Variants in RHCE observed in about 807,000 individuals in gnomAD.
RHCE encodes the protein blood group Rh(CE) polypeptide.
In RHCE, 22 loss-of-function variants were observed where a neutral mutation model predicts 43.8. The observed-to-expected ratio is 0.50, with a 90% CI of 0.36 to 0.72. The LOEUF (loss-of-function observed/expected upper bound fraction) is 0.72, where lower values mean the gene tolerates loss of function less well. RHCE is among the 30% of genes least tolerant of loss of function. The pLI, the probability that RHCE is intolerant of heterozygous loss-of-function variation, is 0.00. For missense variants in RHCE, 385 were observed against 525.4 expected (o/e 0.73, Z 2.61); for synonymous variants, 156 against 210.7 (o/e 0.74, Z 2.25).
chr1:25,406,250 CGTGTGTGTGT>C (rs35366666), intron 2 of RHCE, among the ~76,000 whole-genome samples: 5,577 of 117,074 alleles, frequency 0.048, 903 homozygotes, highest in African/African-American at 0.14. Flanking sequence ...TGCGTGCGTG[CGTGTGTGTGT>C]GTGTGTGTGT....
At chr1:25,368,064 G>A (rs1275101022) in intron 9 of RHCE, among the ~76,000 whole-genome samples, 1 of 151,126 alleles carries the variant, frequency 6.6e-6, no homozygotes, top group Non-Finnish European at 1.5e-5. Flanking sequence ...TAGGAAGGGA[G>A]GAATTTCAAA....
chr1:25,379,017 A>G (rs1043537987), intron 7 of RHCE, among the ~76,000 whole-genome samples: 1 of 152,198 alleles, frequency 6.6e-6, no homozygotes, highest in Non-Finnish European at 1.5e-5. Flanking sequence ...GATTCCATGT[A>G]TATTATCTCA....
intron 7 of RHCE, among the ~76,000 whole-genome samples, chr1:25,376,331 T>A (rs1222015774): frequency 6.6e-6 from 1 of 152,238 alleles, no homozygotes; most frequent in Non-Finnish European, 1.5e-5. Context: ...ACCTGGGCAC[T>A]GCCAGCCCGT....
chr1:25,394,540 T>C (rs1018497360), intron 3 of RHCE, among the ~76,000 whole-genome samples: 6 of 152,216 alleles, frequency 3.9e-5, no homozygotes, highest in Non-Finnish European at 5.9e-5. Context: ...TTTTTCTCTG[T>C]GGTACTTACC....
At chr1:25,385,909 C>A (rs1179444194) in intron 6 of RHCE, 65 bp from the exon 7 acceptor site, 21 of 1,612,626 alleles carry the variant, frequency 1.3e-5, no homozygotes, top group Non-Finnish European at 1.7e-5. Context: ...CCACCCCTTT[C>A]ACACACCCTT....
At chr1:25,426,659 C>T (rs913647317) in intron 2 of RHCE, among the ~76,000 whole-genome samples, 13 of 152,216 alleles carry the variant, frequency 8.5e-5, no homozygotes, top group African/African-American at 2.7e-4. Context: ...TATAATCATC[C>T]TCCATGCCAC....
At position 25,406,242 on chromosome 1, in the gene RHCE, C is replaced by CGTGT. The variant is rs1363980385; in HGVS notation, c.335+2440_335+2441insACAC. On this transcript the variant is annotated intron_variant, in intron 2 of 9. Coordinates refer to ENST00000294413, the MANE Select transcript of RHCE (RefSeq NM_020485.8). ...CAGTGTGTGTATGCGGGCGTGCGTGCGTGCGTGCGTGTGTGTGTGTGTGTG... is the reference window on the plus strand; with the variant it reads ...CAGTGTGTGTATGCGGGCGTGCGTGCGTGTGTGCGTGCGTGTGTGTGTGTGTGTG... Among the ~76,000 whole-genome samples, 154 of 87,146 alleles carry CGTGT rather than the reference C, an allele frequency of 1.8e-3. 22 individuals carry two copies. Among genetic ancestry groups the CGTGT allele is most frequent in the Middle Eastern group, 5.2e-3 (1 of 192 alleles). The allele number at this position is 87,146 out of a possible 152,430, so 57.2% of individuals were successfully genotyped here. A position where few individuals can be genotyped will look rare whatever the true frequency, so the allele number is the denominator to read the frequency against.
chr1:25,402,175 CCTGT>C (rs74426100), intron 3 of RHCE, among the ~76,000 whole-genome samples: 15,113 of 144,714 alleles, frequency 0.1, 929 homozygotes, highest in African/African-American at 0.16. Flanking sequence ...CTGTACCCAG[CCTGT>C]CTGTCTGTCT....
At chr1:25,430,033 C>T (rs1199145957) in exon 1 of RHCE, 1 of 151,962 alleles carries the variant, frequency 6.6e-6, no homozygotes. Context: ...AGCCCGGACC[C>T]GCCGAGCAGG....
intron 1 of RHCE, among the ~76,000 whole-genome samples, chr1:25,415,058 A>G (rs1192602037): frequency 1.3e-5 from 2 of 151,824 alleles, no homozygotes; most frequent in East Asian, 3.9e-4. Flanking sequence ...CATCCTCACA[A>G]CCTGTCCCTC....
intron 7 of RHCE, among the ~76,000 whole-genome samples, chr1:25,380,949 T>C (rs1645977507): frequency 6.7e-6 from 1 of 149,018 alleles, no homozygotes; most frequent in South Asian, 2.1e-4. Flanking sequence ...TCGCCCAGGC[T>C]GGAGTGCAGT....
In RHCE at chr1:25,407,679, T is replaced by A. The variant is rs546402652; in HGVS notation, c.335+1004A>T. Among the ~76,000 whole-genome samples, 12 of 123,282 alleles carry A rather than the reference T, an allele frequency of 9.7e-5. 1 individual carries two copies. The highest frequency in any genetic ancestry group is 2.8e-4 in the African/African-American group (11 of 39,918). 80.9% of individuals were successfully genotyped at this position (123,282 alleles called of 152,430 possible). ...AACAAAACAATGTTTCAGGAAAAAA[T>A]TTAGCCTAGTTCCTTCTATTAAGTG... On this transcript the variant is annotated intron_variant, in intron 2 of 9. Transcript: ENST00000294413.
intron 4 of RHCE, among the ~76,000 whole-genome samples, chr1:25,391,506 T>TA (rs1445425796): frequency 6.6e-6 from 1 of 152,038 alleles, no homozygotes; most frequent in African/African-American, 2.4e-5. Flanking sequence ...ATTTTTTTTT[T>TA]TTTAATGAAT....
rs952852010 is a variant in RHCE, at chr1:25,400,742, C to T, written c.486+1854G>A. On this transcript the variant is annotated intron_variant, in intron 3 of 9. Transcript: ENST00000294413. ...ACCTTAACCCTAACGCTACCACATT[C>T]GACACTGAACTCTGGGTTTTCCCTC... is the stretch of plus-strand genomic sequence containing the variant. Among the ~76,000 whole-genome samples the T allele has an allele frequency of 2.1e-4, 32 of 151,784 alleles. 1 individual carries two copies. The highest frequency in any genetic ancestry group is 7.3e-4 in the African/African-American group (30 of 41,088).
intron 3 of RHCE, among the ~76,000 whole-genome samples, chr1:25,399,755 A>G (rs1646673579): frequency 6.6e-6 from 1 of 152,180 alleles, no homozygotes; most frequent in African/African-American, 2.4e-5. Context: ...AATCCTAGGA[A>G]GAAACGCTTG....
intron 3 of RHCE, among the ~76,000 whole-genome samples, chr1:25,393,829 A>T (rs1438971713): frequency 6.6e-6 from 1 of 151,736 alleles, no homozygotes; most frequent in Non-Finnish European, 1.5e-5. Context: ...ACTTTGGGTC[A>T]TTCAGCTGCC....
intron 8 of RHCE, among the ~76,000 whole-genome samples, chr1:25,373,431 C>A (rs142003047): frequency 6.6e-6 from 1 of 151,712 alleles, no homozygotes; most frequent in Non-Finnish European, 1.5e-5. Context: ...CCAGCTGCCA[C>A]GAACTGAACG....
chr1:25,404,894 A>G (rs1204937552), intron 2 of RHCE, among the ~76,000 whole-genome samples: 1 of 151,934 alleles, frequency 6.6e-6, no homozygotes, highest in East Asian at 1.9e-4. Context: ...TACATTAAAA[A>G]TATCACACTT....
intron 2 of RHCE, among the ~76,000 whole-genome samples, chr1:25,426,100 T>C (rs2042803449): frequency 6.6e-6 from 1 of 152,228 alleles, no homozygotes; most frequent in South Asian, 2.1e-4. Flanking sequence ...AACGAGGCAG[T>C]GCATAAAGTG....
Sources: allele counts gnomAD v4.1 joint callset (sites outside exome capture counted in the v4.1 genomes callset), GRCh38; gene constraint gnomAD v4.1.1; transcripts MANE v1.5; gene names NCBI Gene and HGNC (gene_info 2026-07-23, HGNC 2026-07-21).